C7orf78: variants seen among roughly 807,000 people sequenced by gnomAD.
C7orf78 encodes the protein chromosome 7 open reading frame 78.
At chr7:12,502,719 C>A in the C7orf78 span, among the ~76,000 whole-genome samples, 21,969 of 151,222 alleles carry the variant, frequency 0.15, 1,747 homozygotes, top group Middle Eastern at 0.23. Context: ...TTGACCCAGC[C>A]ATCCCATTAC....
the C7orf78 span, among the ~76,000 whole-genome samples, chr7:12,486,004 C>T: frequency 6.6e-6 from 1 of 152,074 alleles, no homozygotes; most frequent in Admixed American, 6.6e-5. Flanking sequence ...AAGGTATCTC[C>T]ACTGATTCAA....
the C7orf78 span, among the ~76,000 whole-genome samples, chr7:12,497,023 T>A: frequency 1.3e-5 from 2 of 152,158 alleles, no homozygotes; most frequent in African/African-American, 4.8e-5. Flanking sequence ...TCACTTTAAA[T>A]AAAATGAACA....
chr7:12,495,887 T>C, the C7orf78 span, among the ~76,000 whole-genome samples: 1 of 152,174 alleles, frequency 6.6e-6, no homozygotes, highest in African/African-American at 2.4e-5. Context: ...TGCCACAACT[T>C]GTTGCGTTCC....
At chr7:12,508,353 A>T in the C7orf78 span, among the ~76,000 whole-genome samples, 4 of 152,162 alleles carry the variant, frequency 2.6e-5, no homozygotes, top group African/African-American at 7.2e-5. Flanking sequence ...AGTTTTTTTT[A>T]AAAAGTTGTA....
At chr7:12,503,553 T>G in the C7orf78 span, among the ~76,000 whole-genome samples, 1 of 151,958 alleles carries the variant, frequency 6.6e-6, no homozygotes, top group African/African-American at 2.4e-5. Flanking sequence ...GGATGATGGT[T>G]ACATGGGGGA....
chr7:12,493,468 T>C, the C7orf78 span, among the ~76,000 whole-genome samples: 1 of 152,212 alleles, frequency 6.6e-6, no homozygotes, highest in Admixed American at 6.5e-5. Context: ...GTGAAAACAC[T>C]GATTGCTGGG....
the C7orf78 span, among the ~76,000 whole-genome samples, chr7:12,532,778 G>C: frequency 1.3e-5 from 2 of 152,020 alleles, no homozygotes; most frequent in Non-Finnish European, 2.9e-5. Flanking sequence ...AATGTCTAGA[G>C]CTTTCTGGAA....
chr7:12,510,191 C>T, the C7orf78 span, among the ~76,000 whole-genome samples: 2 of 150,242 alleles, frequency 1.3e-5, no homozygotes, highest in Non-Finnish European at 3.0e-5. Flanking sequence ...GGGGGGGTTT[C>T]TTGAGACAGG....
chr7:12,499,972 G>A, the C7orf78 span, among the ~76,000 whole-genome samples: 6 of 121,304 alleles, frequency 4.9e-5, no homozygotes, highest in Non-Finnish European at 6.9e-5. Flanking sequence ...ACCTGCTCCT[G>A]AATGACTACT....
chr7:12,537,519 G>T, the C7orf78 span, among the ~76,000 whole-genome samples: 1 of 152,142 alleles, frequency 6.6e-6, no homozygotes, highest in Non-Finnish European at 1.5e-5. Context: ...ACTGCTTGAG[G>T]GGGAAGAATT....
the C7orf78 span, chr7:12,491,819 A>G: frequency 3.3e-5 from 5 of 152,100 alleles, no homozygotes; most frequent in Admixed American, 6.6e-5. Context: ...TTGCTTCTTT[A>G]TTTCTTATTT....
At chr7:12,528,071 C>G in the C7orf78 span, among the ~76,000 whole-genome samples, 1 of 148,238 alleles carries the variant, frequency 6.7e-6, no homozygotes, top group African/African-American at 2.5e-5. Flanking sequence ...CTGTGTGTCA[C>G]TCACTTTGGT....
chr7:12,541,147 G>C, the C7orf78 span: 1 of 152,190 alleles, frequency 6.6e-6, no homozygotes, highest in African/African-American at 2.4e-5. Context: ...TAAGGCTTTT[G>C]ATTTAGTTTG....
At chr7:12,538,146 C>A in the C7orf78 span, among the ~76,000 whole-genome samples, 1 of 152,190 alleles carries the variant, frequency 6.6e-6, no homozygotes, top group African/African-American at 2.4e-5. Flanking sequence ...CACTATTATA[C>A]GTACATGTAA....
At chr7:12,500,624 G>A in the C7orf78 span, among the ~76,000 whole-genome samples, 1 of 151,848 alleles carries the variant, frequency 6.6e-6, no homozygotes, top group Non-Finnish European at 1.5e-5. Flanking sequence ...GGACCAGATG[G>A]ATTCACAGCC....
chr7:12,515,389 TC>T, the C7orf78 span, among the ~76,000 whole-genome samples: 1 of 152,212 alleles, frequency 6.6e-6, no homozygotes, highest in African/African-American at 2.4e-5. Context: ...TTCTGAGGCC[TC>T]CCCAGCCATG....
the C7orf78 span, among the ~76,000 whole-genome samples, chr7:12,505,631 G>A: frequency 6.6e-6 from 1 of 151,954 alleles, no homozygotes; most frequent in East Asian, 1.9e-4. Flanking sequence ...CAACCTATAG[G>A]TTTTATAAAA....
chr7:12,497,302 C>T, the C7orf78 span, among the ~76,000 whole-genome samples: 52 of 152,314 alleles, frequency 3.4e-4, no homozygotes, highest in Non-Finnish European at 6.0e-4. Context: ...TCTGCATTTC[C>T]ATCTAAGGTA....
the C7orf78 span, among the ~76,000 whole-genome samples, chr7:12,511,367 G>T: frequency 1.3e-5 from 2 of 152,178 alleles, no homozygotes; most frequent in African/African-American, 4.8e-5. Context: ...GGCAATTTGG[G>T]ATCTTTTATG....
Sources: gnomAD v4.1 joint callset for allele counts (sites outside exome capture counted in the v4.1 genomes callset) on GRCh38, gnomAD v4.1.1 for gene constraint, MANE v1.5 for transcripts, NCBI Gene and HGNC (gene_info 2026-07-23, HGNC 2026-07-21) for gene names.